NAA38: variants seen among roughly 807,000 people sequenced by gnomAD.
NAA38 encodes N-alpha-acetyltransferase 38, NatC auxiliary subunit, also known as LSM domain containing 1.
In NAA38, 15 loss-of-function variants were observed where a neutral mutation model predicts 12.6. The ratio of observed to expected loss-of-function variants is 1.19; its 90% CI spans 0.79 to 1.83. The LOEUF (loss-of-function observed/expected upper bound fraction) is 1.83, where lower values mean the gene tolerates loss of function less well. Ranked by LOEUF, NAA38 falls within the 40% of genes most tolerant of loss-of-function variation. The pLI is 0.00. For missense variants in NAA38, 183 were observed against 171.7 expected, an observed-to-expected ratio of 1.07 and a Z score of -0.37; for synonymous variants, 88 against 69.9, an observed-to-expected ratio of 1.26 and a Z score of -1.29.
At chr17:7,878,618 C>T (rs772499921) in intron 2 of NAA38, among the ~76,000 whole-genome samples, 11 of 151,970 alleles carry the variant, frequency 7.2e-5, no homozygotes, top group Non-Finnish European at 1.2e-4. Flanking sequence ...CCCAGCTACT[C>T]GGGAGGCTGA....
chr17:7,858,356 G>A (rs374328082), upstream of NAA38: 1 of 1,614,090 alleles, frequency 6.2e-7, no homozygotes, highest in South Asian at 1.1e-5. Context: ...CGTTTGCCTG[G>A]TTCTCGAAGG....
At chr17:7,874,983 G>A (rs190690310) in intron 2 of NAA38, among the ~76,000 whole-genome samples, 1 of 151,578 alleles carries the variant, frequency 6.6e-6, no homozygotes. Flanking sequence ...ATCGCTTGAG[G>A]CCAAGAGTTT....
At chr17:7,872,364 A>G (rs776656416) in intron 2 of NAA38, among the ~76,000 whole-genome samples, 4 of 151,954 alleles carry the variant, frequency 2.6e-5, no homozygotes, top group African/African-American at 4.8e-5. Context: ...GAGCAGAATT[A>G]CATTTTTTGT....
At chr17:7,884,267 T>TC (rs1967409368) in intron 1 of NAA38, among the ~76,000 whole-genome samples, 2 of 145,590 alleles carry the variant, frequency 1.4e-5, no homozygotes, top group East Asian at 2.1e-4. Flanking sequence ...AAGGGGATTT[T>TC]CCCCCCTCTC....
At chr17:7,859,693 C>T (rs2151386519), upstream of NAA38, 1 of 1,307,716 alleles carries the variant, frequency 7.6e-7, no homozygotes, top group East Asian at 2.3e-5. Flanking sequence ...AGTGGTGGGG[C>T]CGAGGGGTGC....
chr17:7,877,371 C>CTT (rs1967192534), intron 2 of NAA38, among the ~76,000 whole-genome samples: 3 of 135,580 alleles, frequency 2.2e-5, no homozygotes, highest in East Asian at 2.5e-4. Context: ...TAAATGATGT[C>CTT]ATTTTTTTTT....
intron 1 of NAA38, chr17:7,884,749 G>C: frequency 6.5e-6 from 2 of 309,830 alleles, no homozygotes; most frequent in Non-Finnish European, 1.2e-5. Flanking sequence ...TGGTGGTAGC[G>C]GTGGGGGAGG....
chr17:7,881,028 C>T (rs1339427779), intron 2 of NAA38, among the ~76,000 whole-genome samples: 1 of 152,092 alleles, frequency 6.6e-6, no homozygotes, highest in Non-Finnish European at 1.5e-5. Flanking sequence ...TCCAGAAAAA[C>T]TGGAAGAAAA....
chr17:7,859,564 C>G (rs373826685), upstream of NAA38: 1 of 1,614,060 alleles, frequency 6.2e-7, no homozygotes, highest in African/African-American at 1.3e-5. Flanking sequence ...GTACACTTCA[C>G]ACACCTGCAA....
chr17:7,868,631 T>C (rs1390657082), intron 2 of NAA38, among the ~76,000 whole-genome samples: 3 of 152,142 alleles, frequency 2.0e-5, no homozygotes, highest in Admixed American at 2.0e-4. Flanking sequence ...AAATAAGGAA[T>C]GGGAACCTGC....
upstream of NAA38, chr17:7,859,566 C>T: frequency 4.3e-6 from 7 of 1,614,210 alleles, no homozygotes; most frequent in Non-Finnish European, 5.9e-6. Flanking sequence ...ACACTTCACA[C>T]ACCTGCAATA....
upstream of NAA38, chr17:7,858,425 C>A: frequency 6.2e-7 from 1 of 1,614,162 alleles, no homozygotes; most frequent in Admixed American, 1.7e-5. Flanking sequence ...TGAAACCCAT[C>A]GTGGAAGTTG....
intron 2 of NAA38, among the ~76,000 whole-genome samples, chr17:7,881,041 A>G (rs1214675844): frequency 1.3e-5 from 2 of 152,216 alleles, no homozygotes; most frequent in Non-Finnish European, 2.9e-5. Flanking sequence ...GAAGAAAAGT[A>G]GGGAGGAGTA....
intron 3 of NAA38, chr17:7,866,369 G>A (rs1035237474): frequency 1.8e-5 from 12 of 682,092 alleles, no homozygotes; most frequent in South Asian, 7.3e-5. Context: ...CGGCCTCCCA[G>A]AGTGCTGGAA....
chr17:7,884,854 G>T, intron 1 of NAA38: 1 of 1,150,440 alleles, frequency 8.7e-7, no homozygotes. Context: ...AGGAGATGGT[G>T]GTGTCGGAGG....
intron 3 of NAA38, among the ~76,000 whole-genome samples, chr17:7,866,238 C>T (rs1242750138): frequency 6.7e-6 from 1 of 150,234 alleles, no homozygotes; most frequent in Non-Finnish European, 1.5e-5. Context: ...AGATGCCCGC[C>T]ACCAAGCCCG....
chr17:7,883,514 A>G (rs948772999), intron 1 of NAA38, among the ~76,000 whole-genome samples: 2 of 152,234 alleles, frequency 1.3e-5, no homozygotes, highest in Non-Finnish European at 2.9e-5. Flanking sequence ...GATAAAATTT[A>G]TAACAATTAT....
At chr17:7,861,805 AC>A (rs2078885120), upstream of NAA38, 1 of 152,222 alleles carries the variant, frequency 6.6e-6, no homozygotes, top group South Asian at 2.1e-4. Flanking sequence ...TGAAAAACAA[AC>A]CTAAACATCG....
chr17:7,875,950 C>T (rs989284665), intron 2 of NAA38, among the ~76,000 whole-genome samples: 7 of 152,194 alleles, frequency 4.6e-5, no homozygotes, highest in Non-Finnish European at 8.8e-5. Context: ...AAAGTTCATC[C>T]ATCTTATAGC....
Sources: gnomAD v4.1 joint callset for allele counts (sites outside exome capture counted in the v4.1 genomes callset) on GRCh38, gnomAD v4.1.1 for gene constraint, MANE v1.5 for transcripts, NCBI Gene and HGNC (gene_info 2026-07-23, HGNC 2026-07-21) for gene names.